IL1RAPL2: variants seen among roughly 807,000 people sequenced by gnomAD.
IL1RAPL2 encodes the protein interleukin 1 receptor accessory protein like 2, also known as X-linked interleukin-1 receptor accessory protein-like 2.
In IL1RAPL2, 3 loss-of-function variants were observed where a neutral mutation model predicts 44.1. The ratio of observed to expected loss-of-function variants is 0.07; its 90% CI spans 0.03 to 0.18. IL1RAPL2 has a LOEUF of 0.18. IL1RAPL2 is among the 10% of genes least tolerant of loss of function. IL1RAPL2 has a pLI of 1.00. For synonymous variants in IL1RAPL2, 181 were observed against 178.8 expected, an observed-to-expected ratio of 1.01 and a Z score of -0.10; for missense variants, 391 against 496.4, an observed-to-expected ratio of 0.79 and a Z score of 2.02.
chrX:105,755,408 G>C, intron 10 of IL1RAPL2, 61 bp downstream of exon 10: 1 of 870,222 alleles, frequency 1.1e-6, no homozygotes, highest in South Asian at 3.0e-5. Flanking sequence ...TTATGTGAAG[G>C]CTTCAAACAT....
At chrX:105,243,637 C>A (rs1479377599) in intron 4 of IL1RAPL2, among the ~76,000 whole-genome samples, 3 of 101,137 alleles carry the variant, frequency 3.0e-5, no homozygotes, top group Non-Finnish European at 5.9e-5. Flanking sequence ...TTAAGATAGT[C>A]AATTAAATTC....
At chrX:104,681,157 A>C (rs1048970374) in intron 2 of IL1RAPL2, among the ~76,000 whole-genome samples, 12 of 112,184 alleles carry the variant, frequency 1.1e-4, no homozygotes, top group Admixed American at 1.9e-4. Flanking sequence ...TTGATTGATC[A>C]GGGTCTTTCC....
At chrX:104,632,872 A>G (rs1380050826) in intron 1 of IL1RAPL2, among the ~76,000 whole-genome samples, 6 of 110,628 alleles carry the variant, frequency 5.4e-5, no homozygotes, top group Non-Finnish European at 1.1e-4. Context: ...AACTTCCAAC[A>G]CTATGTTGAA....
In IL1RAPL2 at chrX:105,610,107, G is replaced by A. The variant is rs185019277; in HGVS notation, c.773-107260G>A. On this transcript the variant is annotated intron_variant, in intron 6 of 10. Transcript: ENST00000372582. ...ACTGGGAAATGTAAAGCTACCATCC[G>A]TAGGTGTAACAGCCAAGAATGCATA... is the stretch of plus-strand genomic sequence containing the variant. Among the ~76,000 whole-genome samples the A allele has an allele frequency of 2.8e-3, 308 of 111,423 alleles. 2 individuals carry two copies. Among genetic ancestry groups the A allele is most frequent in the African/African-American group, 9.3e-3 (285 of 30,698 alleles).
At chrX:105,122,483 T>C (rs1259630941) in intron 2 of IL1RAPL2, among the ~76,000 whole-genome samples, 1 of 111,178 alleles carries the variant, frequency 9.0e-6, no homozygotes, top group Non-Finnish European at 1.9e-5. Context: ...ATCCATAGAG[T>C]GACCAAGACT....
chrX:105,349,133 G>A (rs1397060386), intron 5 of IL1RAPL2, among the ~76,000 whole-genome samples: 2 of 112,119 alleles, frequency 1.8e-5, no homozygotes, highest in Admixed American at 1.9e-4. Context: ...TAATCGTGGT[G>A]GCTCTGACCA....
intron 2 of IL1RAPL2, among the ~76,000 whole-genome samples, chrX:104,899,264 T>G (rs887865883): frequency 8.9e-6 from 1 of 112,462 alleles, no homozygotes; most frequent in Non-Finnish European, 1.9e-5. Context: ...ATCCTATTTA[T>G]TTAACTTGAA....
chrX:104,811,218 A>G (rs1010556736), intron 2 of IL1RAPL2, among the ~76,000 whole-genome samples: 3 of 111,773 alleles, frequency 2.7e-5, no homozygotes, highest in Non-Finnish European at 3.8e-5. Flanking sequence ...AGTGACCAAA[A>G]CAAACAAAAA....
At chrX:105,676,847 A>G (rs1328008298) in intron 6 of IL1RAPL2, among the ~76,000 whole-genome samples, 1 of 112,095 alleles carries the variant, frequency 8.9e-6, no homozygotes, top group Non-Finnish European at 1.9e-5. Flanking sequence ...AACTAGTGCT[A>G]TTATATCAGA....
rs759437149 is a variant in IL1RAPL2 at position 104,761,923 on chromosome X, CCTTCTTCTTCTTCTTCTTCTTCTT to C, written c.82+102966_82+102989del. The stretch of plus-strand genomic sequence containing the variant: ...TCCTTCTCCTTCTCCTTCTCCTTCT[CCTTCTTCTTCTTCTTCTTCTTCTT>C]CTTCTTCTTCTTCTTCTTCTTCTTC... On this transcript the variant is annotated intron_variant, in intron 2 of 10. Transcript: ENST00000372582. Among the ~76,000 whole-genome samples, 90 of 30,801 alleles carry C rather than the reference CCTTCTTCTTCTTCTTCTTCTTCTT, an allele frequency of 2.9e-3. 4 individuals are homozygous for C. The highest frequency in any genetic ancestry group is 9.6e-3 in the African/African-American group (54 of 5,603). The allele number at this position is 30,801 out of a possible 115,157, so 26.7% of individuals were successfully genotyped here. A position where few individuals can be genotyped will look rare whatever the true frequency, so the allele number is the denominator to read the frequency against.
chrX:105,462,672 A>G (rs1459808995), intron 5 of IL1RAPL2, among the ~76,000 whole-genome samples: 1 of 111,355 alleles, frequency 9.0e-6, no homozygotes, highest in Non-Finnish European at 1.9e-5. Flanking sequence ...AAATCTATGA[A>G]TTTATTTTCT....
chrX:105,255,661 A>G (rs1345045923), intron 4 of IL1RAPL2, among the ~76,000 whole-genome samples: 1 of 111,441 alleles, frequency 9.0e-6, no homozygotes, highest in Non-Finnish European at 1.9e-5. Flanking sequence ...ATCTTGCCTG[A>G]TTGCCCTGGC....
At chrX:104,933,794 C>T (rs749576304) in intron 2 of IL1RAPL2, among the ~76,000 whole-genome samples, 4 of 111,019 alleles carry the variant, frequency 3.6e-5, no homozygotes, top group South Asian at 3.9e-4. Context: ...CCTATTGTCC[C>T]GTTGCATACT....
At chrX:104,911,124 G>C (rs1014974818) in intron 2 of IL1RAPL2, among the ~76,000 whole-genome samples, 1 of 111,536 alleles carries the variant, frequency 9.0e-6, no homozygotes, top group African/African-American at 3.3e-5. Context: ...ATAAGCTTAA[G>C]CATATTGAAT....
At chrX:105,020,360 A>G (rs1387449738) in intron 2 of IL1RAPL2, among the ~76,000 whole-genome samples, 1 of 111,537 alleles carries the variant, frequency 9.0e-6, no homozygotes, top group Non-Finnish European at 1.9e-5. Context: ...CCTAGCTCAG[A>G]GTGTTATTGT....
At chrX:104,736,706 C>T (rs991983282) in intron 2 of IL1RAPL2, among the ~76,000 whole-genome samples, 1 of 112,211 alleles carries the variant, frequency 8.9e-6, no homozygotes, top group African/African-American at 3.2e-5. Flanking sequence ...TGCTGAAGAA[C>T]AAGAAATTAA....
At chrX:105,300,509 G>A (rs1340872380) in intron 5 of IL1RAPL2, among the ~76,000 whole-genome samples, 1 of 110,934 alleles carries the variant, frequency 9.0e-6, no homozygotes, top group Non-Finnish European at 1.9e-5. Context: ...CCTCCTACCA[G>A]GCCCCAACTC....
chrX:105,034,278 C>A (rs1453914156), intron 2 of IL1RAPL2, among the ~76,000 whole-genome samples: 1 of 112,190 alleles, frequency 8.9e-6, no homozygotes, highest in East Asian at 2.8e-4. Context: ...GAGCTGCGTT[C>A]CTTTGGAGGA....
chrX:105,048,618 A>G (rs539916363), intron 2 of IL1RAPL2, among the ~76,000 whole-genome samples: 10 of 111,353 alleles, frequency 9.0e-5, no homozygotes, highest in East Asian at 8.5e-4. Flanking sequence ...GACTAGTCCT[A>G]TTTCATGTGC....
Sources: allele counts gnomAD v4.1 joint callset (sites outside exome capture counted in the v4.1 genomes callset), GRCh38; gene constraint gnomAD v4.1.1; transcripts MANE v1.5; gene names NCBI Gene and HGNC (gene_info 2026-07-23, HGNC 2026-07-21).